Variants in TRPM3 observed in about 807,000 individuals in gnomAD.
TRPM3 encodes transient receptor potential cation channel subfamily M member 3, also known as long transient receptor potential channel 3.
In TRPM3, 77 loss-of-function variants were observed where a neutral mutation model predicts 181.2. The ratio of observed to expected loss-of-function variants is 0.42; its 90% CI spans 0.35 to 0.51. The LOEUF is 0.51. Among genes scored for constraint, TRPM3 ranks in the 20% least tolerant of loss-of-function variants. TRPM3 has a pLI of 0.01. For missense variants in TRPM3, 1,759 were observed against 2,196.7 expected, an observed-to-expected ratio of 0.80 and a Z score of 3.98; for synonymous variants, 745 against 796.4, an observed-to-expected ratio of 0.94 and a Z score of 1.09.
At chr9:70,856,210 C>A (rs1206448510) in intron 3 of TRPM3, among the ~76,000 whole-genome samples, 1 of 152,160 alleles carries the variant, frequency 6.6e-6, no homozygotes, top group African/African-American at 2.4e-5. Flanking sequence ...CTCTATAGAT[C>A]TATGATTAGG....
At chr9:71,008,256 C>A (rs759234106) in intron 1 of TRPM3, among the ~76,000 whole-genome samples, 2 of 151,796 alleles carry the variant, frequency 1.3e-5, no homozygotes, top group African/African-American at 2.4e-5. Flanking sequence ...TAACGAGTAA[C>A]AAGAATGAAG....
chr9:70,616,709 A>AC (rs1187341133), intron 17 of TRPM3, among the ~76,000 whole-genome samples: 2 of 151,332 alleles, frequency 1.3e-5, no homozygotes, highest in Non-Finnish European at 2.9e-5. Flanking sequence ...ACACACACAC[A>AC]CCCCCCAGTG....
intron 1 of TRPM3, among the ~76,000 whole-genome samples, chr9:71,026,459 C>T (rs2056514864): frequency 6.6e-6 from 1 of 152,178 alleles, no homozygotes; most frequent in South Asian, 2.1e-4. Context: ...CCCTCTGCTG[C>T]CTTTGCCTTC....
chr9:70,536,743 T>A lies in TRPM3; in HGVS notation c.4370A>T (p.Tyr1457Phe), dbSNP rs375608258. ...VPSTAPSSSA[Y>F]ATLAPTDRPP... is the part of the protein sequence containing the mutation. ...TCTGTCTGTGGGTGCAAGTGTTGCA[T>A]AGGCACTACTTGAAGGGGCTGTGGA... Residue 1457 changes from tyrosine (Y) to phenylalanine (F), a missense_variant, in exon 26 of 26, where the codon TAT (tyrosine) becomes TTT (phenylalanine). By Grantham distance (22) the Tyr-to-Phe change is conservative. Coordinates refer to ENST00000677713, the MANE Select transcript of TRPM3 (RefSeq NM_001366145.2). The A allele has an allele frequency of 1.2e-6, 2 of 1,614,036 alleles. No homozygotes were observed. Among genetic ancestry groups the A allele is most frequent in the African/African-American group, 2.7e-5 (2 of 74,924 alleles).
intron 1 of TRPM3, among the ~76,000 whole-genome samples, chr9:71,281,482 T>G (rs969143869): frequency 3.3e-5 from 5 of 152,186 alleles, no homozygotes. Context: ...TTCATTGCTG[T>G]CTCCCCAGGT....
chr9:71,203,371 T>C (rs933678670), intron 1 of TRPM3, among the ~76,000 whole-genome samples: 2 of 152,238 alleles, frequency 1.3e-5, no homozygotes, highest in Admixed American at 6.5e-5. Flanking sequence ...TTTTTCCCTC[T>C]TAACATGTCT....
intron 9 of TRPM3, among the ~76,000 whole-genome samples, chr9:70,679,563 T>G (rs1398160982): frequency 6.6e-6 from 1 of 152,190 alleles, no homozygotes; most frequent in Non-Finnish European, 1.5e-5. Flanking sequence ...GGGAAAGGGA[T>G]GCGTTTTTTA....
chr9:71,344,646 A>C (rs964352916), intron 1 of TRPM3, among the ~76,000 whole-genome samples: 1 of 152,202 alleles, frequency 6.6e-6, no homozygotes. Context: ...TAGAAGAAAC[A>C]TAGGACAATA....
At chr9:71,039,948 T>G (rs552853463) in intron 1 of TRPM3, among the ~76,000 whole-genome samples, 2 of 152,334 alleles carry the variant, frequency 1.3e-5, no homozygotes, top group African/African-American at 4.8e-5. Context: ...TTATAATATT[T>G]GATAATTTCA....
intron 21 of TRPM3, among the ~76,000 whole-genome samples, chr9:70,597,276 T>C (rs1191147237): frequency 6.6e-6 from 1 of 152,152 alleles, no homozygotes; most frequent in Admixed American, 6.5e-5. Context: ...CTCACTGTGC[T>C]GCCCAAGCTG....
chr9:70,779,419 C>T (rs1290019771), intron 7 of TRPM3, among the ~76,000 whole-genome samples: 4 of 152,084 alleles, frequency 2.6e-5, no homozygotes, highest in East Asian at 3.9e-4. Context: ...TTTGGATGAA[C>T]GAGGAGCACC....
intron 1 of TRPM3, among the ~76,000 whole-genome samples, chr9:71,048,534 A>C (rs1391705854): frequency 2.0e-5 from 3 of 152,176 alleles, no homozygotes; most frequent in African/African-American, 7.2e-5. Context: ...CAATACTGTC[A>C]TTCTCACTTA....
chr9:70,545,548 C>CCTTTTTT (rs1554733807), intron 25 of TRPM3, among the ~76,000 whole-genome samples: 2 of 113,352 alleles, frequency 1.8e-5, no homozygotes, highest in African/African-American at 6.5e-5. Context: ...AATTTTCTTT[C>CCTTTTTT]TTTTTTTTTT....
At chr9:71,279,076 A>C (rs1040106717) in intron 1 of TRPM3, among the ~76,000 whole-genome samples, 6 of 149,208 alleles carry the variant, frequency 4.0e-5, no homozygotes, top group African/African-American at 1.5e-4. Flanking sequence ...AAAACCACCA[A>C]CGACCATTTA....
intron 1 of TRPM3, among the ~76,000 whole-genome samples, chr9:70,997,841 C>T (rs1402804457): frequency 2.0e-5 from 3 of 152,014 alleles, no homozygotes; most frequent in Non-Finnish European, 4.4e-5. Context: ...TGTATCCTTC[C>T]TGATCTTCTT....
rs1587921460 is a variant in TRPM3, at chr9:70,530,614, G to C, written c.*5339C>G. Reference sequence around the variant, plus strand: ...ACCAAAATCCTCTCTTAGATGACCTGTAGAAACAGTCACGTTGCTTTCATT... The same window carrying C: ...ACCAAAATCCTCTCTTAGATGACCTCTAGAAACAGTCACGTTGCTTTCATT... On this transcript the variant is annotated 3_prime_UTR_variant, in exon 26 of 26. Transcript: ENST00000677713. 1 of 152,218 alleles carries C rather than the reference G, an allele frequency of 6.6e-6. No individual in the cohort carries two copies. The highest frequency in any genetic ancestry group is 2.1e-4 in the South Asian group (1 of 4,832). The allele number at this position is 152,218 out of a possible 1,614,324, so 9.4% of individuals were successfully genotyped here. A position where few individuals can be genotyped will look rare whatever the true frequency, so the allele number is the denominator to read the frequency against.
Position 70,759,098 on chromosome 9 carries a change from T to C in TRPM3, c.1272+2503A>G, listed in dbSNP as rs535665040. 7.2e-5 allele frequency among the ~76,000 whole-genome samples: 11 copies of C among 152,302 alleles called. No individual in the cohort carries two copies. The South Asian group carries it at 2.3e-3, about 32-fold the overall frequency. On this transcript the variant is annotated intron_variant, in intron 8 of 25. Coordinates refer to ENST00000677713, the MANE Select transcript of TRPM3 (RefSeq NM_001366145.2). ...ATCTATCCATCTGACAAAGGGCTAA[T>C]ATCCAGAATCTATACAAAACTTAAA...
intron 1 of TRPM3, among the ~76,000 whole-genome samples, chr9:71,295,830 T>A (rs1309095979): frequency 1.0e-5 from 1 of 99,700 alleles, no homozygotes; most frequent in Non-Finnish European, 1.9e-5. Context: ...CAGAGTGAGA[T>A]CCCGTCTCAA....
chr9:71,204,481 G>T (rs941932567), intron 1 of TRPM3, among the ~76,000 whole-genome samples: 4 of 152,070 alleles, frequency 2.6e-5, no homozygotes, highest in Admixed American at 2.6e-4. Context: ...ATCACTGGCC[G>T]TCAGAGAAAT....
Sources: allele counts gnomAD v4.1 joint callset (sites outside exome capture counted in the v4.1 genomes callset), GRCh38; gene constraint gnomAD v4.1.1; transcripts MANE v1.5; gene names NCBI Gene and HGNC (gene_info 2026-07-23, HGNC 2026-07-21).